CHML: variants seen among roughly 807,000 people sequenced by gnomAD.
CHML encodes CHM like Rab escort protein.
A neutral mutation model predicts 30.4 loss-of-function variants in CHML; 20 were observed. The observed-to-expected ratio is 0.66, with a 90% CI of 0.46 to 0.95. The LOEUF (loss-of-function observed/expected upper bound fraction) is 0.95, where lower values mean the gene tolerates loss of function less well. Ranked by LOEUF, CHML falls within the 40% of genes least tolerant of loss-of-function variation. CHML has a pLI of 0.00. For synonymous variants in CHML, 281 were observed against 275.0 expected (o/e 1.02, Z -0.22); for missense variants, 795 against 768.5 (o/e 1.03, Z -0.41).
At chr1:241,636,903 A>C (rs12141288) in intron 1 of CHML, among the ~76,000 whole-genome samples, 12,600 of 152,092 alleles carry the variant, frequency 0.083, 595 homozygotes, top group African/African-American at 0.12. Flanking sequence ...GTCTATCTAA[A>C]CATCCTCTGC....
rs138142257 is a variant in CHML, at chr1:241,635,007, T to A, written c.760A>T (p.Ser254Cys). The A allele has an allele frequency of 1.0e-4, 167 of 1,613,460 alleles. 1 individual carries two copies. Among genetic ancestry groups the A allele is most frequent in the South Asian group, 2.4e-4 (22 of 91,002 alleles). Residue 254 changes from serine (S) to cysteine (C), a missense_variant, in exon 2 of 2, where the codon AGT becomes TGT. Physicochemically the swap from Ser to Cys is moderately radical, Grantham distance 112. Coordinates refer to ENST00000366553, the MANE Select transcript of CHML (RefSeq NM_001381853.1). ...LIDLLIKSDV[S>C]RYVEFKNVTR... ...ACATTTTTAAATTCTACATAACGAC[T>A]AACATCTGATTTGATTAAAAGATCA...
Position 241,640,158 on chromosome 1 carries a change from C to G in CHML, c.-584G>C. 1.3e-6 allele frequency: 2 copies of G among 1,513,074 alleles called. No individual in the cohort carries two copies. The highest frequency in any genetic ancestry group is 1.8e-6 in the Non-Finnish European group (2 of 1,133,260). The allele number at this position is 1,513,074 out of a possible 1,614,324, so 93.7% of individuals were successfully genotyped here. On this transcript the variant is annotated 5_prime_UTR_variant, in exon 1 of 2. Coordinates refer to ENST00000366553, the MANE Select transcript of CHML (RefSeq NM_001381853.1). ...TAGGTGCCGGGGCTGAAGAGGGGCG[C>G]GGGGCTCAGTGTCCCCGCCGGCGCC...
rs1156869963 is a variant in CHML, at chr1:241,631,561, A to G, written c.*2235T>C. 1.3e-5 allele frequency: 2 copies of G among 152,134 alleles called. No homozygotes were observed. The highest frequency in any genetic ancestry group is 2.9e-5 in the Non-Finnish European group (2 of 68,012). 9.4% of individuals were successfully genotyped at this position (152,134 alleles called of 1,614,324 possible). A position where few individuals can be genotyped will look rare whatever the true frequency, so the allele number is the denominator to read the frequency against. ...CTTTGCTACTTTAAGTAAGTTGTCA[A>G]TTACTTAAATCTGTCTAGTCTCATT... On this transcript the variant is annotated 3_prime_UTR_variant, in exon 2 of 2. Transcript: ENST00000366553.
At position 241,640,289 on chromosome 1, in the gene CHML, C is replaced by G; in HGVS notation, c.-715G>C. ...CCGGCGCGCCTGGCGGGCGGAGGCG[C>G]TCAGCTTGCGGCGGGGCTCGCGGCG... On this transcript the variant is annotated 5_prime_UTR_variant, in exon 1 of 2. Transcript: ENST00000366553. The G allele has an allele frequency of 8.7e-7, 1 of 1,150,778 alleles. No individual in the cohort carries two copies. Among genetic ancestry groups the G allele is most frequent in the Non-Finnish European group, 1.1e-6 (1 of 938,824 alleles). The allele number at this position is 1,150,778 out of a possible 1,614,324, so 71.3% of individuals were successfully genotyped here.
rs1472328333 is a variant in CHML at position 241,631,563 on chromosome 1, T to C, written c.*2233A>G. ...TTGCTACTTTAAGTAAGTTGTCAATTACTTAAATCTGTCTAGTCTCATTTT... is the reference window on the plus strand; with the variant it reads ...TTGCTACTTTAAGTAAGTTGTCAATCACTTAAATCTGTCTAGTCTCATTTT... On this transcript the variant is annotated 3_prime_UTR_variant, in exon 2 of 2. Transcript: ENST00000366553. 2.0e-5 allele frequency: 3 copies of C among 152,162 alleles called. No homozygotes were observed. The highest frequency in any genetic ancestry group is 4.4e-5 in the Non-Finnish European group (3 of 68,008). 9.4% of individuals were successfully genotyped at this position (152,162 alleles called of 1,614,324 possible). A position where few individuals can be genotyped will look rare whatever the true frequency, so the allele number is the denominator to read the frequency against.
chr1:241,636,081 A>G lies in CHML; in HGVS notation c.-307-8T>C. On this transcript the variant is annotated splice_region_variant and splice_polypyrimidine_tract_variant and intron_variant, in intron 1 of 1. Coordinates refer to ENST00000366553, the MANE Select transcript of CHML (RefSeq NM_001381853.1). ...TGTGACTGGAACTCTTCTCTGAAAGAAGAAAATTCAAGAAAGAATACATTG... is the reference window on the plus strand; with the variant it reads ...TGTGACTGGAACTCTTCTCTGAAAGGAGAAAATTCAAGAAAGAATACATTG... 1 of 440,086 alleles carries G rather than the reference A, an allele frequency of 2.3e-6. No individual in the cohort carries two copies. Among genetic ancestry groups the G allele is most frequent in the Non-Finnish European group, 4.0e-6 (1 of 250,564 alleles). 27.3% of individuals were successfully genotyped at this position (440,086 alleles called of 1,614,324 possible).
intron 1 of CHML, among the ~76,000 whole-genome samples, chr1:241,639,618 G>C (rs536330824): frequency 5.6e-4 from 85 of 151,934 alleles, no homozygotes; most frequent in African/African-American, 1.9e-3. Flanking sequence ...GGGTCAACGT[G>C]GGGGGCAGAT....
rs1558445736 is a variant in CHML, at chr1:241,630,073, T to C, written c.*3723A>G. On this transcript the variant is annotated 3_prime_UTR_variant, in exon 2 of 2. Coordinates refer to ENST00000366553, the MANE Select transcript of CHML (RefSeq NM_001381853.1). Reference sequence around the variant, plus strand: ...TCACATATTGGCATTTCTTTGGATGTAGCTTTATATTTTAAAACACATTAT... The same window carrying C: ...TCACATATTGGCATTTCTTTGGATGCAGCTTTATATTTTAAAACACATTAT... 1 of 152,124 alleles carries C rather than the reference T, an allele frequency of 6.6e-6. No homozygotes were observed. The highest frequency in any genetic ancestry group is 1.5e-5 in the Non-Finnish European group (1 of 67,964). 9.4% of individuals were successfully genotyped at this position (152,124 alleles called of 1,614,324 possible).
intron 1 of CHML, among the ~76,000 whole-genome samples, chr1:241,637,175 C>T (rs1477803924): frequency 1.3e-5 from 2 of 152,164 alleles, no homozygotes; most frequent in Admixed American, 1.3e-4. Flanking sequence ...GTTTTCACTA[C>T]TGTTAAACCT....
At position 241,635,011 on chromosome 1, in the gene CHML, A is replaced by G; in HGVS notation, c.756T>C (p.Asp252=). ...TTTTAAATTCTACATAACGACTAACATCTGATTTGATTAAAAGATCAATTA... is the reference window on the plus strand; with the variant it reads ...TTTTAAATTCTACATAACGACTAACGTCTGATTTGATTAAAAGATCAATTA... The part of the protein sequence containing the change: ...GLLIDLLIKS[D]VSRYVEFKNV... Residue 252 remains aspartate, a synonymous_variant, in exon 2 of 2, where the codon GAT becomes GAC. Coordinates refer to ENST00000366553, the MANE Select transcript of CHML (RefSeq NM_001381853.1). The G allele has an allele frequency of 4.3e-6, 7 of 1,613,598 alleles. No individual in the cohort carries two copies. Among genetic ancestry groups the G allele is most frequent in the Non-Finnish European group, 5.9e-6 (7 of 1,179,854 alleles).
chr1:241,630,932 ATATTT>A lies in CHML; in HGVS notation c.*2859_*2863del, dbSNP rs1209133375. ...TTATTTGTTGCTGTATTGTTTGCCA[ATATTT>A]TATTTTGCATTTTGCATCTGTTGAG... is the stretch of plus-strand genomic sequence containing the variant. On this transcript the variant is annotated 3_prime_UTR_variant, in exon 2 of 2. Coordinates refer to ENST00000366553, the MANE Select transcript of CHML (RefSeq NM_001381853.1). The A allele has an allele frequency of 2.0e-5, 3 of 152,078 alleles. No homozygotes were observed. Among genetic ancestry groups the A allele is most frequent in the Non-Finnish European group, 4.4e-5 (3 of 67,952 alleles). 9.4% of individuals were successfully genotyped at this position (152,078 alleles called of 1,614,324 possible). A position where few individuals can be genotyped will look rare whatever the true frequency, so the allele number is the denominator to read the frequency against.
rs1202479923 is a variant in CHML at position 241,635,357 on chromosome 1, G to A, written c.410C>T (p.Ser137Phe). Residue 137 changes from serine to phenylalanine, a missense_variant, in exon 2 of 2, where the codon TCT becomes TTT. Transcript: ENST00000366553. ...TAACTGGCTTTCTTCAGGTAATGCAGAATCCAGAACTTCAGTGAAGGTATT... is the reference window on the plus strand; with the variant it reads ...TAACTGGCTTTCTTCAGGTAATGCAAAATCCAGAACTTCAGTGAAGGTATT... ...VSNTFTEVLD[S>F]ALPEESQLSY... 1 of 1,614,034 alleles carries A rather than the reference G, an allele frequency of 6.2e-7. No homozygotes were observed. Among genetic ancestry groups the A allele is most frequent in the Admixed American group, 1.7e-5 (1 of 60,012 alleles).
Position 241,640,369 on chromosome 1 carries a change from T to A in CHML, c.-795A>T. 6.9e-6 allele frequency: 7 copies of A among 1,007,378 alleles called. No individual in the cohort carries two copies. The highest frequency in any genetic ancestry group is 8.4e-6 in the Non-Finnish European group (7 of 836,204). The allele number at this position is 1,007,378 out of a possible 1,614,324, so 62.4% of individuals were successfully genotyped here. A position where few individuals can be genotyped will look rare whatever the true frequency, so the allele number is the denominator to read the frequency against. On this transcript the variant is annotated 5_prime_UTR_variant, in exon 1 of 2. Transcript: ENST00000366553. ...GCCGCCTGCTCTAGCCATTGTGCAC[T>A]GAGGGGCCCGCGCTACCGCGCGCCG...
chr1:241,637,847 C>T (rs1664958301), intron 1 of CHML, among the ~76,000 whole-genome samples: 1 of 152,166 alleles, frequency 6.6e-6, no homozygotes, highest in South Asian at 2.1e-4. Context: ...GTCTTTCCAA[C>T]AGATAGGGCA....
chr1:241,633,926 T>C lies in CHML; in HGVS notation c.1841A>G (p.Glu614Gly), dbSNP rs1664754503. The stretch of plus-strand genomic sequence containing the variant: ...ATCATCACCATCAAAGATAATGTCT[T>C]CTGGATTTGGAGGTGGAGGGCAGAA... ...EEFCPPPPNP[E>G]DIIFDGDDKQ... The change falls in exon 2 of 2, where the codon GAA becomes GGA. Residue 614 changes from glutamate (E) to glycine (G), a missense_variant. By Grantham distance (98) the Glu-to-Gly change is moderately conservative. Coordinates refer to ENST00000366553, the MANE Select transcript of CHML (RefSeq NM_001381853.1). The C allele has an allele frequency of 6.2e-7, 1 of 1,613,804 alleles. No individual in the cohort carries two copies.
Position 241,634,439 on chromosome 1 carries a change from T to C in CHML, c.1328A>G (p.Glu443Gly). The C allele has an allele frequency of 6.2e-7, 1 of 1,613,778 alleles. No homozygotes were observed. Among genetic ancestry groups the C allele is most frequent in the South Asian group, 1.1e-5 (1 of 91,082 alleles). ...ATACTGCACATTTGAGCATGTTTCC[T>C]CAGAAAGGTAACTGTCTTCCACAAT... ...YFIVEDSYLSEETCSNVQYKQ... is the reference protein window; with the variant it reads ...YFIVEDSYLSGETCSNVQYKQ... The change falls in exon 2 of 2, where the codon GAG (glutamate) becomes GGG (glycine). Residue 443 changes from glutamate (E) to glycine (G), a missense_variant. Glu to Gly is a moderately conservative substitution (Grantham distance 98). Transcript: ENST00000366553.
rs751665271 is a variant in CHML, at chr1:241,633,928, T to G, written c.1839A>C (p.Pro613=). 1.2e-6 allele frequency: 2 copies of G among 1,613,898 alleles called. No homozygotes were observed. Among genetic ancestry groups the G allele is most frequent in the Admixed American group, 3.3e-5 (2 of 59,982 alleles). The change falls in exon 2 of 2, where the codon CCA becomes CCC. Residue 613 remains proline (P), a synonymous_variant. Coordinates refer to ENST00000366553, the MANE Select transcript of CHML (RefSeq NM_001381853.1). ...TEEFCPPPPN[P]EDIIFDGDDK... is the part of the protein sequence containing the mutation. Reference sequence around the variant, plus strand: ...CATCACCATCAAAGATAATGTCTTCTGGATTTGGAGGTGGAGGGCAGAATT... The same window carrying G: ...CATCACCATCAAAGATAATGTCTTCGGGATTTGGAGGTGGAGGGCAGAATT...
At position 241,635,757 on chromosome 1, in the gene CHML, T is replaced by A. The variant is rs375852789; in HGVS notation, c.10A>T (p.Asn4Tyr). 6.2e-7 allele frequency: 1 copy of A among 1,608,402 alleles called. No individual in the cohort carries two copies. Among genetic ancestry groups the A allele is most frequent in the Non-Finnish European group, 8.5e-7 (1 of 1,176,292 alleles). ...ACCACATCAAACTCTGTGGGAAGAT[T>A]GTCCGCCATTTTAGGAAGTAACAGC... MADNLPTEFDVVII... is the reference protein window; with the variant it reads MADYLPTEFDVVII... Residue 4 changes from asparagine to tyrosine, a missense_variant, in exon 2 of 2, where the codon AAT (asparagine) becomes TAT (tyrosine). By Grantham distance (143) the Asn-to-Tyr change is moderately radical (BLOSUM62 -2). Coordinates refer to ENST00000366553, the MANE Select transcript of CHML (RefSeq NM_001381853.1).
rs761424192 is a variant in CHML, at chr1:241,635,526, G to T, written c.241C>A (p.His81Asn). The change falls in exon 2 of 2, where the codon CAT becomes AAT. Residue 81 changes from histidine (H) to asparagine (N), a missense_variant. Coordinates refer to ENST00000366553, the MANE Select transcript of CHML (RefSeq NM_001381853.1). The part of the protein sequence containing the change: ...ESTVVWQDLI[H>N]ETEEAITLRK... Reference sequence around the variant, plus strand: ...AGAGTGATGGCTTCTTCTGTTTCATGGATCAGGTCCTGCCATACAACAGTA... The same window carrying T: ...AGAGTGATGGCTTCTTCTGTTTCATTGATCAGGTCCTGCCATACAACAGTA... 6 of 1,613,922 alleles carry T rather than the reference G, an allele frequency of 3.7e-6. No individual in the cohort carries two copies. The highest frequency in any genetic ancestry group is 5.1e-6 in the Non-Finnish European group (6 of 1,179,926).
Sources: gnomAD v4.1 joint callset for allele counts (sites outside exome capture counted in the v4.1 genomes callset) on GRCh38, gnomAD v4.1.1 for gene constraint, MANE v1.5 for transcripts, NCBI Gene and HGNC (gene_info 2026-07-23, HGNC 2026-07-21) for gene names.